The following WDR70 variants were observed in gnomAD, a reference collection of about 807,000 sequenced individuals.
WDR70 encodes WD repeat domain 70.
A neutral mutation model predicts 88.6 loss-of-function variants in WDR70; 53 were observed. The observed-to-expected ratio is 0.60, with a 90% CI of 0.48 to 0.75. The LOEUF (loss-of-function observed/expected upper bound fraction) is 0.75, where lower values mean the gene tolerates loss of function less well. WDR70 is among the 30% of genes least tolerant of loss of function. The pLI is 0.00. For synonymous variants in WDR70, 280 were observed against 270.0 expected, an observed-to-expected ratio of 1.04 and a Z score of -0.36; for missense variants, 610 against 823.2, an observed-to-expected ratio of 0.74 and a Z score of 3.17.
At chr5:37,635,350 G>A (rs752330051) in intron 10 of WDR70, among the ~76,000 whole-genome samples, 16 of 152,112 alleles carry the variant, frequency 1.1e-4, no homozygotes, top group East Asian at 1.9e-4. Flanking sequence ...CTTTTGTGCC[G>A]CTGCTGCTTC....
intron 10 of WDR70, among the ~76,000 whole-genome samples, chr5:37,615,617 A>C (rs1744316913): frequency 6.6e-6 from 1 of 152,120 alleles, no homozygotes; most frequent in African/African-American, 2.4e-5. Context: ...AATCTTCTTA[A>C]CTCTGTCCTA....
At chr5:37,548,631 A>G (rs1009489662) in intron 9 of WDR70, among the ~76,000 whole-genome samples, 6 of 152,094 alleles carry the variant, frequency 3.9e-5, no homozygotes, top group African/African-American at 1.2e-4. Context: ...TGCTGTGCAG[A>G]AACTTTTTAA....
At chr5:37,482,526 C>T (rs562991012) in intron 8 of WDR70, among the ~76,000 whole-genome samples, 5 of 152,246 alleles carry the variant, frequency 3.3e-5, no homozygotes, top group East Asian at 3.9e-4. Context: ...TGGGGGGAAC[C>T]GTCCCCATGA....
At chr5:37,600,672 G>C in intron 9 of WDR70, among the ~76,000 whole-genome samples, 1 of 152,050 alleles carries the variant, frequency 6.6e-6, no homozygotes, top group Non-Finnish European at 1.5e-5. Context: ...GCCATCCTTA[G>C]TTATTAAGAA....
chr5:37,712,847 G>C (rs1008699272), intron 13 of WDR70, among the ~76,000 whole-genome samples: 42 of 151,840 alleles, frequency 2.8e-4, no homozygotes, highest in Admixed American at 1.2e-3. Flanking sequence ...GATTACAAGC[G>C]TGCACTACCA....
At chr5:37,685,324 G>A (rs931609844) in intron 10 of WDR70, among the ~76,000 whole-genome samples, 1 of 152,150 alleles carries the variant, frequency 6.6e-6, no homozygotes, top group Non-Finnish European at 1.5e-5. Context: ...GGTGGTTGCC[G>A]TGGGCCTGGG....
intron 10 of WDR70, among the ~76,000 whole-genome samples, chr5:37,615,778 C>T (rs1304148463): frequency 6.6e-6 from 1 of 152,124 alleles, no homozygotes; most frequent in Non-Finnish European, 1.5e-5. Context: ...ATTATTTTTC[C>T]GTTTAGAACT....
At chr5:37,642,568 T>C (rs1036035133) in intron 10 of WDR70, among the ~76,000 whole-genome samples, 10 of 152,148 alleles carry the variant, frequency 6.6e-5, no homozygotes, top group African/African-American at 2.4e-4. Context: ...TGGCAAAAGC[T>C]CCAAACTGTT....
chr5:37,631,686 C>T (rs1392478507), intron 10 of WDR70, among the ~76,000 whole-genome samples: 1 of 152,076 alleles, frequency 6.6e-6, no homozygotes, highest in African/African-American at 2.4e-5. Context: ...TACTTTTAAC[C>T]AACATCTCTA....
At chr5:37,591,102 G>A (rs1434849963) in intron 9 of WDR70, among the ~76,000 whole-genome samples, 1 of 152,164 alleles carries the variant, frequency 6.6e-6, no homozygotes, top group African/African-American at 2.4e-5. Flanking sequence ...GGAGGCCGAG[G>A]TGGGTGGATC....
At chr5:37,456,268 C>G (rs1204613898) in intron 7 of WDR70, among the ~76,000 whole-genome samples, 1 of 152,136 alleles carries the variant, frequency 6.6e-6, no homozygotes, top group Non-Finnish European at 1.5e-5. Context: ...TTGGTATTGT[C>G]AATATGTTAA....
intron 9 of WDR70, among the ~76,000 whole-genome samples, chr5:37,581,506 T>C (rs1168953418): frequency 1.3e-5 from 2 of 152,176 alleles, no homozygotes. Flanking sequence ...ATACTGTTAC[T>C]CATGTCGTTA....
At chr5:37,418,188 CTT>C (rs1749820946) in intron 5 of WDR70, among the ~76,000 whole-genome samples, 1 of 151,468 alleles carries the variant, frequency 6.6e-6, no homozygotes, top group Admixed American at 6.6e-5. Context: ...TTTGTTATGA[CTT>C]AAATTTTGAA....
intron 10 of WDR70, among the ~76,000 whole-genome samples, chr5:37,631,754 G>C (rs1244957451): frequency 6.6e-6 from 1 of 152,152 alleles, no homozygotes; most frequent in Non-Finnish European, 1.5e-5. Flanking sequence ...CCATCTGAAA[G>C]GTAGTGACTC....
chr5:37,531,240 G>A (rs1159894754), intron 9 of WDR70, among the ~76,000 whole-genome samples: 5 of 152,112 alleles, frequency 3.3e-5, no homozygotes, highest in Non-Finnish European at 7.4e-5. Flanking sequence ...AATGTTCCAT[G>A]TACTGATGAA....
chr5:37,735,784 C>G (rs1748289260), intron 17 of WDR70, among the ~76,000 whole-genome samples: 1 of 152,014 alleles, frequency 6.6e-6, no homozygotes, highest in South Asian at 2.1e-4. Flanking sequence ...GGTTTTTTTT[C>G]TTCACTGCAA....
At chr5:37,719,844 CTTT>C (rs55870531) in intron 13 of WDR70, among the ~76,000 whole-genome samples, 219 of 140,964 alleles carry the variant, frequency 1.6e-3, no homozygotes, top group Admixed American at 2.1e-3. Context: ...TTCTTTCTTT[CTTT>C]TTTTTTTTTT....
At chr5:37,435,364 C>G (rs550273954) in intron 5 of WDR70, among the ~76,000 whole-genome samples, 1 of 152,230 alleles carries the variant, frequency 6.6e-6, no homozygotes, top group Non-Finnish European at 1.5e-5. Context: ...TTAGCACTTA[C>G]AAATGAGTTT....
At chr5:37,749,086 A>T (rs1189304695) in intron 17 of WDR70, among the ~76,000 whole-genome samples, 1 of 152,182 alleles carries the variant, frequency 6.6e-6, no homozygotes, top group African/African-American at 2.4e-5. Flanking sequence ...ATACCATTTG[A>T]CCCAGCAATC....
Sources: gnomAD v4.1 joint callset for allele counts (sites outside exome capture counted in the v4.1 genomes callset) on GRCh38, gnomAD v4.1.1 for gene constraint, MANE v1.5 for transcripts, NCBI Gene and HGNC (gene_info 2026-07-23, HGNC 2026-07-21) for gene names.